Variants in PCP4 observed in about 807,000 individuals in gnomAD.
PCP4 encodes calmodulin regulator protein PCP4.
A neutral mutation model predicts 10.0 loss-of-function variants in PCP4; 8 were observed. The ratio of observed to expected loss-of-function variants is 0.80; its 90% CI spans 0.47 to 1.45. The LOEUF is 1.45. Ranked by LOEUF, PCP4 falls within the 40% of genes most tolerant of loss-of-function variation. PCP4 has a pLI of 0.00. For synonymous variants in PCP4, 21 were observed against 23.0 expected, an observed-to-expected ratio of 0.91 and a Z score of 0.24; for missense variants, 54 against 74.4, an observed-to-expected ratio of 0.73 and a Z score of 1.01.
At chr21:39,926,428 G>A (rs2087621499) in intron 2 of PCP4, among the ~76,000 whole-genome samples, 1 of 152,090 alleles carries the variant, frequency 6.6e-6, no homozygotes. Flanking sequence ...GACAAATCAG[G>A]CCCTTTAAAA....
intron 1 of PCP4, among the ~76,000 whole-genome samples, chr21:39,878,249 G>A (rs576718847): frequency 7.9e-5 from 12 of 152,166 alleles, no homozygotes; most frequent in Non-Finnish European, 1.6e-4. Flanking sequence ...GGGAAGGAGA[G>A]GAAAGAAGAT....
chr21:39,878,712 G>A (rs1012676321), intron 1 of PCP4, among the ~76,000 whole-genome samples: 1 of 152,202 alleles, frequency 6.6e-6, no homozygotes, highest in African/African-American at 2.4e-5. Flanking sequence ...CTTTGTGAGA[G>A]TATCTATCCG....
chr21:39,928,917 G>T, intron 2 of PCP4, 67 bp from the exon 3 acceptor site: 1 of 1,542,480 alleles, frequency 6.5e-7, no homozygotes, highest in Non-Finnish European at 8.9e-7. Flanking sequence ...CACTTATCTA[G>T]TGGGGCTGTC....
chr21:39,913,060 CT>C (rs1163974358), intron 2 of PCP4, among the ~76,000 whole-genome samples: 1 of 152,120 alleles, frequency 6.6e-6, no homozygotes, highest in Non-Finnish European at 1.5e-5. Context: ...TGTAGTTCAG[CT>C]ACTTAGTCTA....
rs576652942 is a variant in PCP4 at position 39,887,105 on chromosome 21, G to A, written c.10-11371G>A. Among the ~76,000 whole-genome samples, 48 of 152,174 alleles carry A rather than the reference G, an allele frequency of 3.2e-4. 1 individual carries two copies. In the South Asian group the frequency reaches 8.1e-3, roughly 26 times the overall value. ...AAAATTAATTCCAATAAAATAAATCGTGGATACCTGAAAATGATGGTACGT... is the reference window on the plus strand; with the variant it reads ...AAAATTAATTCCAATAAAATAAATCATGGATACCTGAAAATGATGGTACGT... On this transcript the variant is annotated intron_variant, in intron 1 of 2. Coordinates refer to ENST00000328619, the MANE Select transcript of PCP4 (RefSeq NM_006198.3).
At chr21:39,879,586 A>G (rs371345241) in intron 1 of PCP4, among the ~76,000 whole-genome samples, 2 of 152,194 alleles carry the variant, frequency 1.3e-5, no homozygotes, top group East Asian at 3.9e-4. Context: ...CTCCAGAGGT[A>G]CAAGCAGTGG....
At chr21:39,899,750 G>A (rs1225186408) in intron 2 of PCP4, among the ~76,000 whole-genome samples, 1 of 152,164 alleles carries the variant, frequency 6.6e-6, no homozygotes, top group African/African-American at 2.4e-5. Context: ...TGTCTCCTGT[G>A]TGTGAGTTGG....
chr21:39,904,684 C>A (rs1288917876), intron 2 of PCP4, among the ~76,000 whole-genome samples: 1 of 152,170 alleles, frequency 6.6e-6, no homozygotes, highest in East Asian at 1.9e-4. Context: ...GGATTGTGGT[C>A]ATATCAGAGT....
chr21:39,903,876 C>CAAAAAAAA (rs67572508), intron 2 of PCP4, among the ~76,000 whole-genome samples: 10 of 95,542 alleles, frequency 1.0e-4, no homozygotes, highest in East Asian at 3.6e-4. Context: ...TCAAAAAAAA[C>CAAAAAAAA]AAAAAAAAAA....
At chr21:39,867,629 AT>A in intron 1 of PCP4, 119 bp downstream of exon 1, 2 of 999,154 alleles carry the variant, frequency 2.0e-6, no homozygotes, top group Non-Finnish European at 3.2e-6. Context: ...TAATCCTGTA[AT>A]TATTTGCTTG....
At chr21:39,914,255 A>G (rs542929905) in intron 2 of PCP4, among the ~76,000 whole-genome samples, 13 of 152,216 alleles carry the variant, frequency 8.5e-5, no homozygotes, top group Non-Finnish European at 1.6e-4. Context: ...AACACACTCC[A>G]TTTGCCTTGG....
At chr21:39,881,598 T>C (rs1179634948) in intron 1 of PCP4, among the ~76,000 whole-genome samples, 1 of 152,186 alleles carries the variant, frequency 6.6e-6, no homozygotes. Flanking sequence ...GATGCATTAC[T>C]GAGTTCCCTG....
At chr21:39,927,532 A>G (rs1208940369) in intron 2 of PCP4, among the ~76,000 whole-genome samples, 1 of 150,946 alleles carries the variant, frequency 6.6e-6, no homozygotes, top group Non-Finnish European at 1.5e-5. Flanking sequence ...GTAGTGGATG[A>G]TGAACTCAGG....
chr21:39,912,544 C>G (rs2087545336), intron 2 of PCP4, among the ~76,000 whole-genome samples: 1 of 152,004 alleles, frequency 6.6e-6, no homozygotes, highest in Admixed American at 6.5e-5. Context: ...GTTAAATGGT[C>G]ACATTTAACC....
chr21:39,889,240 G>A lies in PCP4; in HGVS notation c.10-9236G>A, dbSNP rs367850708. 3.9e-5 allele frequency among the ~76,000 whole-genome samples: 6 copies of A among 152,158 alleles called. No individual in the cohort carries two copies. The East Asian group carries it at 5.8e-4, about 15-fold the overall frequency. ...TGGCCACATAGGCAAGTCTACTGGGGAGATGGGAAAGAAAGGGAGGAGTGT... is the reference window on the plus strand; with the variant it reads ...TGGCCACATAGGCAAGTCTACTGGGAAGATGGGAAAGAAAGGGAGGAGTGT... On this transcript the variant is annotated intron_variant, in intron 1 of 2. Transcript: ENST00000328619.
chr21:39,894,865 G>C (rs1207116690), intron 1 of PCP4, among the ~76,000 whole-genome samples: 1 of 152,192 alleles, frequency 6.6e-6, no homozygotes, highest in African/African-American at 2.4e-5. Flanking sequence ...TTGGGGATGA[G>C]AGTGGGGTGG....
intron 2 of PCP4, among the ~76,000 whole-genome samples, chr21:39,899,390 C>T (rs576356286): frequency 1.3e-5 from 2 of 152,264 alleles, no homozygotes; most frequent in South Asian, 4.1e-4. Flanking sequence ...GAAATTGATG[C>T]TAGTGTCCAT....
chr21:39,924,800 G>A (rs1370519391), intron 2 of PCP4, among the ~76,000 whole-genome samples: 2 of 152,184 alleles, frequency 1.3e-5, no homozygotes, highest in African/African-American at 4.8e-5. Flanking sequence ...CTCTGAATGT[G>A]CTGAGATTAC....
chr21:39,867,472 G>T lies in PCP4; in HGVS notation c.-30G>T. 6.2e-7 allele frequency: 1 copy of T among 1,613,914 alleles called. No homozygotes were observed. The highest frequency in any genetic ancestry group is 8.5e-7 in the Non-Finnish European group (1 of 1,179,792). On this transcript the variant is annotated 5_prime_UTR_variant, in exon 1 of 3. Transcript: ENST00000328619. ...TGAGCAGTGTTCTCTGTGCTGAGCG[G>T]CGGGACTGAGCTGTTGAGTTAGAGC...
Sources: gnomAD v4.1 joint callset for allele counts (sites outside exome capture counted in the v4.1 genomes callset) on GRCh38, gnomAD v4.1.1 for gene constraint, MANE v1.5 for transcripts, NCBI Gene and HGNC (gene_info 2026-07-23, HGNC 2026-07-21) for gene names.